Variants in POLB observed in about 807,000 individuals in gnomAD.
POLB encodes DNA polymerase beta.
In POLB, 37 loss-of-function variants were observed where a neutral mutation model predicts 52.7. The ratio of observed to expected loss-of-function variants is 0.70; its 90% CI spans 0.54 to 0.92. The LOEUF (loss-of-function observed/expected upper bound fraction) is 0.92. POLB is among the 40% of genes least tolerant of loss of function. POLB has a pLI of 0.00. For synonymous variants in POLB, 138 were observed against 131.3 expected, an observed-to-expected ratio of 1.05 and a Z score of -0.35; for missense variants, 313 against 400.8, an observed-to-expected ratio of 0.78 and a Z score of 1.87.
chr8:42,344,983 A>G lies in POLB; in HGVS notation c.150A>G (p.Pro50=). 1 of 1,609,494 alleles carries G rather than the reference A, an allele frequency of 6.2e-7. No homozygotes were observed. The highest frequency in any genetic ancestry group is 2.2e-5 in the East Asian group (1 of 44,860). ...CAGCATCTGTTATAGCAAAATACCC[A>G]CACAAAATAAAGAGTGGAGCTGAAG... ...RKAASVIAKY[P]HKIKSGAEAK... is the part of the protein sequence containing the mutation. Residue 50 remains proline, a synonymous_variant, in exon 3 of 14, where the codon CCA becomes CCG. Coordinates refer to ENST00000265421, the MANE Select transcript of POLB (RefSeq NM_002690.3).
intron 2 of POLB, 153 bp downstream of exon 2, chr8:42,339,222 G>A: frequency 2.9e-6 from 2 of 679,898 alleles, no homozygotes; most frequent in Non-Finnish European, 5.4e-6. Context: ...ATTTCTTGAA[G>A]AATGTGGGCA....
In POLB at chr8:42,367,416, G is replaced by A. The variant is rs572606950; in HGVS notation, c.709-1855G>A. On this transcript the variant is annotated intron_variant, in intron 11 of 13. Transcript: ENST00000265421. ...AATGACATAGGGAGTTAGCTAAGCC[G>A]GTATCTGAGGGAAGAGATAGCCAGG... 5.9e-5 allele frequency among the ~76,000 whole-genome samples: 9 copies of A among 152,234 alleles called. No homozygotes were observed. The South Asian group carries it at 1.0e-3, about 18-fold the overall frequency.
chr8:42,357,418 A>T (rs750695789), intron 9 of POLB, 26 bp downstream of exon 9: 1 of 1,272,974 alleles, frequency 7.9e-7, no homozygotes, highest in Admixed American at 1.8e-5. Flanking sequence ...ATCTTGGGTT[A>T]TTTTTGCCCT....
At chr8:42,352,710 A>C (rs1025491447) in intron 6 of POLB, 142 bp downstream of exon 6, 2 of 629,656 alleles carry the variant, frequency 3.2e-6, no homozygotes, top group African/African-American at 3.7e-5. Context: ...TCTGTAGTAC[A>C]GTAGATATAG....
intron 3 of POLB, among the ~76,000 whole-genome samples, chr8:42,348,252 A>G (rs1228952951): frequency 6.6e-6 from 1 of 152,196 alleles, no homozygotes; most frequent in Admixed American, 6.5e-5. Flanking sequence ...GCCAGTCACT[A>G]GGGATAAAAA....
intron 9 of POLB, among the ~76,000 whole-genome samples, chr8:42,360,463 G>A (rs756938460): frequency 6.6e-6 from 1 of 152,058 alleles, no homozygotes; most frequent in South Asian, 2.1e-4. Context: ...GCACTATAGT[G>A]GATGCTTTTA....
chr8:42,362,599 TATG>T lies in POLB; in HGVS notation c.622-10_622-8del, dbSNP rs1823770661. 6.5e-7 allele frequency: 1 copy of T among 1,535,886 alleles called. No individual in the cohort carries two copies. The highest frequency in any genetic ancestry group is 1.4e-5 in the African/African-American group (1 of 73,222). ...ATTACTCTTTTTCTTATTCCCTAATTATGATTCTACAGCCAAAACTGTTACATC... is the reference window on the plus strand; with the variant it reads ...ATTACTCTTTTTCTTATTCCCTAATTATTCTACAGCCAAAACTGTTACATC... On this transcript the variant is annotated splice_polypyrimidine_tract_variant and intron_variant, in intron 10 of 13. Coordinates refer to ENST00000265421, the MANE Select transcript of POLB (RefSeq NM_002690.3).
At chr8:42,368,260 T>C (rs992572728) in intron 11 of POLB, among the ~76,000 whole-genome samples, 1 of 152,218 alleles carries the variant, frequency 6.6e-6, no homozygotes, top group Admixed American at 6.5e-5. Flanking sequence ...CTGATCCACT[T>C]GAAGGTGGAA....
At chr8:42,369,780 T>C in intron 12 of POLB, 69 bp from the exon 13 acceptor site, 1 of 998,758 alleles carries the variant, frequency 1.0e-6, no homozygotes, top group Non-Finnish European at 1.5e-6. Context: ...TTATTGATTT[T>C]AGGAGTCCTA....
At chr8:42,343,121 G>A (rs1442328398) in intron 2 of POLB, among the ~76,000 whole-genome samples, 1 of 151,600 alleles carries the variant, frequency 6.6e-6, no homozygotes, top group East Asian at 1.9e-4. Flanking sequence ...AGGAGATCGA[G>A]ACCATCCTGG....
intron 5 of POLB, 130 bp from the exon 6 acceptor site, chr8:42,352,389 C>T: frequency 4.3e-6 from 3 of 701,828 alleles, no homozygotes; most frequent in South Asian, 1.6e-5. Flanking sequence ...TTGAACATTA[C>T]CAAAGTAGCC....
chr8:42,347,195 T>G (rs191065090), intron 3 of POLB, among the ~76,000 whole-genome samples: 50 of 152,030 alleles, frequency 3.3e-4, no homozygotes, highest in African/African-American at 1.2e-3. Flanking sequence ...ATCTCATCAT[T>G]ATTCCTTTTC....
intron 9 of POLB, among the ~76,000 whole-genome samples, chr8:42,359,063 T>C (rs1823508918): frequency 6.6e-6 from 1 of 152,198 alleles, no homozygotes; most frequent in South Asian, 2.1e-4. Context: ...TGGGGTATGT[T>C]GTATGGTTAT....
intron 9 of POLB, 108 bp downstream of exon 9, chr8:42,357,500 C>T (rs1210118970): frequency 3.0e-6 from 2 of 667,892 alleles, no homozygotes; most frequent in Admixed American, 5.0e-5. Flanking sequence ...TTCATAGACT[C>T]ACTAAGACCT....
chr8:42,346,384 CTT>C (rs549901516), intron 3 of POLB, among the ~76,000 whole-genome samples: 18 of 136,930 alleles, frequency 1.3e-4, no homozygotes, highest in Non-Finnish European at 1.3e-4. Flanking sequence ...TTTCTTTTTT[CTT>C]TTTTTTTTTT....
intron 9 of POLB, among the ~76,000 whole-genome samples, chr8:42,359,509 C>T (rs370503794): frequency 6.6e-6 from 1 of 150,730 alleles, no homozygotes; most frequent in African/African-American, 2.5e-5. Flanking sequence ...CACGTGCCAC[C>T]ACACCCGGCT....
At chr8:42,358,398 C>A (rs1002036793) in intron 9 of POLB, among the ~76,000 whole-genome samples, 3 of 151,646 alleles carry the variant, frequency 2.0e-5, no homozygotes, top group African/African-American at 7.3e-5. Context: ...GCTCCTCGGG[C>A]GGCTGAGGCA....
At chr8:42,346,836 CTGATA>C (rs1822647796) in intron 3 of POLB, among the ~76,000 whole-genome samples, 1 of 152,206 alleles carries the variant, frequency 6.6e-6, no homozygotes, top group Non-Finnish European at 1.5e-5. Flanking sequence ...AAATCATGCT[CTGATA>C]TATAGGCTTT....
chr8:42,346,570 C>G (rs889889798), intron 3 of POLB, among the ~76,000 whole-genome samples: 1 of 151,378 alleles, frequency 6.6e-6, no homozygotes, highest in Non-Finnish European at 1.5e-5. Flanking sequence ...TAATTTATTT[C>G]TTTTGTAGAG....
Sources: gnomAD v4.1 joint callset for allele counts (sites outside exome capture counted in the v4.1 genomes callset) on GRCh38, gnomAD v4.1.1 for gene constraint, MANE v1.5 for transcripts, NCBI Gene and HGNC (gene_info 2026-07-23, HGNC 2026-07-21) for gene names.